Variants in BBS9 observed in about 807,000 individuals in gnomAD.
BBS9 encodes the protein Bardet-Biedl syndrome 9.
Under a neutral mutation model 117.7 loss-of-function variants are expected in BBS9, and 89 were observed. The ratio of observed to expected loss-of-function variants is 0.76; its 90% CI spans 0.64 to 0.90. The LOEUF (loss-of-function observed/expected upper bound fraction) is 0.90. Among genes scored for constraint, BBS9 ranks in the 40% least tolerant of loss-of-function variants. The pLI is 0.00. For missense variants in BBS9, 982 were observed against 1,042.2 expected, an observed-to-expected ratio of 0.94 and a Z score of 0.80; for synonymous variants, 379 against 370.9, an observed-to-expected ratio of 1.02 and a Z score of -0.25.
intron 10 of BBS9, among the ~76,000 whole-genome samples, chr7:33,339,861 G>C (rs893759609): frequency 6.6e-6 from 1 of 152,044 alleles, no homozygotes. Flanking sequence ...GAGCCTGGAA[G>C]GGGTGACTTT....
At chr7:33,398,540 A>G (rs2128783088) in intron 19 of BBS9, among the ~76,000 whole-genome samples, 1 of 152,236 alleles carries the variant, frequency 6.6e-6, no homozygotes, top group Admixed American at 6.5e-5. Flanking sequence ...GGTCAGAGTA[A>G]TCTCCAAAGA....
At chr7:33,301,234 G>A (rs1385055006) in intron 9 of BBS9, among the ~76,000 whole-genome samples, 1 of 151,744 alleles carries the variant, frequency 6.6e-6, no homozygotes, top group Non-Finnish European at 1.5e-5. Context: ...AGGGTAAATG[G>A]GGTATCCATC....
rs1200126873 is a variant in BBS9, at chr7:33,604,946, G to A, written c.2603G>A (p.Arg868Lys). 5 of 1,613,154 alleles carry A rather than the reference G, an allele frequency of 3.1e-6. No individual in the cohort carries two copies. In the South Asian group the frequency reaches 4.4e-5, roughly 14 times the overall value. ...QDSTELFTNH[R>K]HLTAETPRPE... is the part of the protein sequence containing the mutation. ...TCTACAGAACTGTTTACCAACCACA[G>A]ACATCTCACTGCAGAGACACCCAGG... Residue 868 changes from arginine to lysine, a missense_variant, in exon 22 of 23, where the codon AGA becomes AAA. Physicochemically the swap from Arg to Lys is conservative, Grantham distance 26. Coordinates refer to ENST00000242067, the MANE Select transcript of BBS9 (RefSeq NM_198428.3).
At chr7:33,160,979 A>G (rs1794751983) in intron 4 of BBS9, among the ~76,000 whole-genome samples, 1 of 152,172 alleles carries the variant, frequency 6.6e-6, no homozygotes, top group African/African-American at 2.4e-5. Flanking sequence ...ATTGAATGAA[A>G]TCTTTCTATA....
chr7:33,344,634 G>C lies in BBS9; in HGVS notation c.1329G>C (p.Lys443Asn), dbSNP rs774821284. Reference protein sequence around the residue: ...GTDLVPSVTVKVTLQNRVILQ... With the variant: ...GTDLVPSVTVNVTLQNRVILQ... ...ACCTTGTCCCTTCTGTCACGGTGAA[G>C]GTATTGTACCAGATTTTAGACTGTA... is the stretch of plus-strand genomic sequence containing the variant. Residue 443 changes from lysine to asparagine, a missense_variant and splice_region_variant, in exon 12 of 23, where the codon AAG becomes AAC. Coordinates refer to ENST00000242067, the MANE Select transcript of BBS9 (RefSeq NM_198428.3). 1 of 1,613,678 alleles carries C rather than the reference G, an allele frequency of 6.2e-7. No homozygotes were observed. Among genetic ancestry groups the C allele is most frequent in the South Asian group, 1.1e-5 (1 of 91,072 alleles).
chr7:33,613,648 G>T (rs73092743), intron 21 of BBS9, among the ~76,000 whole-genome samples: 3,744 of 151,876 alleles, frequency 0.025, 76 homozygotes, highest in Non-Finnish European at 0.036. Flanking sequence ...TTTGATCCTC[G>T]CAACAACCTC....
At chr7:33,157,013 C>T (rs908753161) in intron 4 of BBS9, among the ~76,000 whole-genome samples, 6 of 152,084 alleles carry the variant, frequency 3.9e-5, no homozygotes, top group Admixed American at 2.0e-4. Context: ...TTACACAAGC[C>T]ATGGAGGAGA....
chr7:33,378,785 G>C (rs1419833679), intron 17 of BBS9, among the ~76,000 whole-genome samples: 1 of 152,180 alleles, frequency 6.6e-6, no homozygotes, highest in East Asian at 1.9e-4. Flanking sequence ...CCCAGTGTAA[G>C]CTATGAGTGA....
chr7:33,285,734 T>G (rs538051974), intron 9 of BBS9, among the ~76,000 whole-genome samples: 1 of 152,322 alleles, frequency 6.6e-6, no homozygotes, highest in South Asian at 2.1e-4. Flanking sequence ...TAAACTGTAG[T>G]ATGGCTATTT....
At chr7:33,550,733 C>T (rs897188425) in intron 21 of BBS9, among the ~76,000 whole-genome samples, 4 of 152,018 alleles carry the variant, frequency 2.6e-5, no homozygotes, top group African/African-American at 7.2e-5. Flanking sequence ...ATTTATGTGT[C>T]ATGTGGATAT....
intron 20 of BBS9, among the ~76,000 whole-genome samples, chr7:33,526,445 TTTCTTTTTA>T (rs1357384389): frequency 3.9e-5 from 6 of 152,032 alleles, no homozygotes; most frequent in African/African-American, 1.4e-4. Context: ...GCTTTGCTCA[TTTCTTTTTA>T]TTCTTTTTTC....
At chr7:33,176,625 T>A (rs1253094098) in intron 4 of BBS9, among the ~76,000 whole-genome samples, 1 of 152,174 alleles carries the variant, frequency 6.6e-6, no homozygotes, top group African/African-American at 2.4e-5. Context: ...AATAAATAAG[T>A]ACACATACAT....
At chr7:33,616,682 T>G (rs934225116) in intron 21 of BBS9, among the ~76,000 whole-genome samples, 16 of 151,184 alleles carry the variant, frequency 1.1e-4, no homozygotes, top group African/African-American at 3.4e-4. Context: ...TCACTTTGGG[T>G]TTTTTTTCAT....
At chr7:33,226,968 G>A (rs991003168) in intron 5 of BBS9, among the ~76,000 whole-genome samples, 3 of 152,080 alleles carry the variant, frequency 2.0e-5, no homozygotes, top group African/African-American at 7.2e-5. Context: ...ATGAATGGTG[G>A]TGGATTGCAC....
At chr7:33,305,868 A>G (rs2216031) in intron 9 of BBS9, among the ~76,000 whole-genome samples, 74,573 of 151,688 alleles carry the variant, frequency 0.49, 18,715 homozygotes, top group Admixed American at 0.57. Flanking sequence ...CATTTGGCTA[A>G]TCTTTTGTAT....
At chr7:33,348,854 A>G (rs1454234408) in intron 12 of BBS9, among the ~76,000 whole-genome samples, 1 of 152,160 alleles carries the variant, frequency 6.6e-6, no homozygotes, top group Non-Finnish European at 1.5e-5. Flanking sequence ...GCCAATCTTT[A>G]TTCTTTTGAG....
intron 21 of BBS9, among the ~76,000 whole-genome samples, chr7:33,620,710 A>G (rs2129222371): frequency 6.6e-6 from 1 of 152,300 alleles, no homozygotes; most frequent in Admixed American, 6.5e-5. Context: ...AATTCCAGTG[A>G]CGTTTTTCAC....
chr7:33,223,268 A>G (rs1339296756), intron 5 of BBS9, among the ~76,000 whole-genome samples: 1 of 152,168 alleles, frequency 6.6e-6, no homozygotes, highest in African/African-American at 2.4e-5. Context: ...GCTAATTAAC[A>G]TATCTATCAT....
At chr7:33,399,747 T>C (rs1828604022) in intron 19 of BBS9, among the ~76,000 whole-genome samples, 1 of 152,206 alleles carries the variant, frequency 6.6e-6, no homozygotes, top group South Asian at 2.1e-4. Context: ...TTGTTAGGTA[T>C]ACTGTAATGA....
Sources: allele counts gnomAD v4.1 joint callset (sites outside exome capture counted in the v4.1 genomes callset), GRCh38; gene constraint gnomAD v4.1.1; transcripts MANE v1.5; gene names NCBI Gene and HGNC (gene_info 2026-07-23, HGNC 2026-07-21).